Variants in LRRC1 observed in about 807,000 individuals in gnomAD.
The protein encoded by LRRC1 is leucine rich repeat containing 1, also known as leucine-rich repeat-containing protein 1.
A neutral mutation model predicts 69.9 loss-of-function variants in LRRC1; 28 were observed. That is an observed-to-expected ratio of 0.40 (90% CI 0.30 to 0.55). The LOEUF (loss-of-function observed/expected upper bound fraction) is 0.55. Among genes scored for constraint, LRRC1 ranks in the 20% least tolerant of loss-of-function variants. The probability of loss-of-function intolerance (pLI) is 0.47; values close to 1 mark genes in which losing one functional copy is unlikely to be tolerated. For synonymous variants in LRRC1, 236 were observed against 240.2 expected (o/e 0.98, Z 0.16); for missense variants, 498 against 609.0 (o/e 0.82, Z 1.92).
intron 1 of LRRC1, among the ~76,000 whole-genome samples, chr6:53,815,519 G>T (rs1193924988): frequency 6.6e-6 from 1 of 152,126 alleles, no homozygotes; most frequent in Admixed American, 6.5e-5. Context: ...CAGTGAGCGT[G>T]TCCTGAGGAA....
At chr6:53,808,851 C>T in intron 1 of LRRC1, among the ~76,000 whole-genome samples, 1 of 152,024 alleles carries the variant, frequency 6.6e-6, no homozygotes, top group East Asian at 1.9e-4. Context: ...GACCCTGTTT[C>T]AAAAACAAAT....
intron 1 of LRRC1, among the ~76,000 whole-genome samples, chr6:53,819,942 T>C (rs1765067209): frequency 6.6e-6 from 1 of 152,202 alleles, no homozygotes; most frequent in African/African-American, 2.4e-5. Context: ...AGTTAGTATG[T>C]ATAACTCTTG....
intron 8 of LRRC1, 116 bp downstream of exon 8, chr6:53,900,007 A>G (rs1222042192): frequency 1.5e-5 from 10 of 678,036 alleles, no homozygotes; most frequent in Non-Finnish European, 2.1e-5. Context: ...TGGCTCCTTA[A>G]AGTCTCCTTA....
At chr6:53,849,732 T>C (rs906276430) in intron 2 of LRRC1, among the ~76,000 whole-genome samples, 17 of 152,222 alleles carry the variant, frequency 1.1e-4, no homozygotes, top group Non-Finnish European at 2.1e-4. Flanking sequence ...GTATGATTCT[T>C]AAATTAGCTT....
intron 12 of LRRC1, among the ~76,000 whole-genome samples, chr6:53,920,227 C>T (rs1292179707): frequency 3.9e-5 from 6 of 152,118 alleles, no homozygotes; most frequent in Non-Finnish European, 7.3e-5. Flanking sequence ...GAGTGTGTTA[C>T]TGAGGAAAGT....
At chr6:53,873,289 CTT>C (rs57201410) in intron 2 of LRRC1, among the ~76,000 whole-genome samples, 4 of 136,764 alleles carry the variant, frequency 2.9e-5, no homozygotes, top group Non-Finnish European at 3.1e-5. Flanking sequence ...ACCGATTTTT[CTT>C]TTTTTTTTTT....
At chr6:53,807,234 G>A (rs1764657806) in intron 1 of LRRC1, among the ~76,000 whole-genome samples, 1 of 152,062 alleles carries the variant, frequency 6.6e-6, no homozygotes, top group Non-Finnish European at 1.5e-5. Flanking sequence ...TCAGGAATGG[G>A]GACTAGGGAT....
At chr6:53,873,823 A>T in intron 2 of LRRC1, among the ~76,000 whole-genome samples, 1 of 152,070 alleles carries the variant, frequency 6.6e-6, no homozygotes, top group East Asian at 1.9e-4. Context: ...TCTTGTCTAG[A>T]TCTTACGAAA....
chr6:53,912,987 G>A (rs1768459687), intron 10 of LRRC1, among the ~76,000 whole-genome samples: 1 of 152,130 alleles, frequency 6.6e-6, no homozygotes, highest in Admixed American at 6.5e-5. Context: ...TCTTGATTCA[G>A]TTTTCCTGAC....
chr6:53,883,058 C>T, intron 4 of LRRC1, 82 bp downstream of exon 4: 3 of 809,388 alleles, frequency 3.7e-6, no homozygotes, highest in Non-Finnish European at 2.0e-6. Flanking sequence ...CCTTTTAAAG[C>T]TCCTATTTGT....
At chr6:53,817,795 C>T (rs1334273911) in intron 1 of LRRC1, among the ~76,000 whole-genome samples, 5 of 152,076 alleles carry the variant, frequency 3.3e-5, no homozygotes, top group Non-Finnish European at 7.4e-5. Context: ...CTCCTTGCTG[C>T]AGATTGCCTC....
chr6:53,861,698 G>A (rs1766528865), intron 2 of LRRC1, among the ~76,000 whole-genome samples: 7 of 152,086 alleles, frequency 4.6e-5, no homozygotes, highest in Admixed American at 4.6e-4. Context: ...CTGCCCTTCT[G>A]GAAAAGTGTG....
At chr6:53,855,152 G>A (rs1454396007) in intron 2 of LRRC1, among the ~76,000 whole-genome samples, 35 of 152,182 alleles carry the variant, frequency 2.3e-4, no homozygotes, top group Non-Finnish European at 4.7e-4. Flanking sequence ...GCAGAGGCAG[G>A]CCAAACAAAT....
chr6:53,795,487 C>T (rs1041909878), intron 1 of LRRC1, 72 bp downstream of exon 1: 151 of 1,450,472 alleles, frequency 1.0e-4, no homozygotes, highest in Middle Eastern at 5.4e-4. Context: ...CCTCTCTCGT[C>T]CCCTCTTCCA....
At chr6:53,806,933 G>A (rs1055177919) in intron 1 of LRRC1, among the ~76,000 whole-genome samples, 6 of 152,160 alleles carry the variant, frequency 3.9e-5, no homozygotes, top group African/African-American at 1.4e-4. Flanking sequence ...TCAAAATGAG[G>A]CAAAATGGTT....
chr6:53,795,473 C>G, intron 1 of LRRC1, 58 bp downstream of exon 1: 1 of 1,531,162 alleles, frequency 6.5e-7, no homozygotes, highest in Non-Finnish European at 8.8e-7. Flanking sequence ...CCTTCCGCTC[C>G]CATCCTCTCT....
At chr6:53,808,832 A>G (rs915567487) in intron 1 of LRRC1, among the ~76,000 whole-genome samples, 4 of 152,208 alleles carry the variant, frequency 2.6e-5, no homozygotes, top group Admixed American at 6.5e-5. Flanking sequence ...AGCCTGAGTG[A>G]CAGAGTGAGA....
intron 2 of LRRC1, among the ~76,000 whole-genome samples, chr6:53,875,448 G>C (rs1384995641): frequency 6.6e-6 from 1 of 152,048 alleles, no homozygotes; most frequent in East Asian, 1.9e-4. Context: ...CACATATTCT[G>C]TGTGTATATG....
At chr6:53,870,154 G>A (rs1766835161) in intron 2 of LRRC1, among the ~76,000 whole-genome samples, 1 of 152,134 alleles carries the variant, frequency 6.6e-6, no homozygotes, top group African/African-American at 2.4e-5. Flanking sequence ...TAGTCCAGCT[G>A]TGTTCTCTGG....
Sources: gnomAD v4.1 joint callset for allele counts (sites outside exome capture counted in the v4.1 genomes callset) on GRCh38, gnomAD v4.1.1 for gene constraint, MANE v1.5 for transcripts, NCBI Gene and HGNC (gene_info 2026-07-23, HGNC 2026-07-21) for gene names.